The following ZFAT variants were observed in gnomAD, a reference collection of about 807,000 sequenced individuals.
ZFAT encodes the protein zinc finger protein ZFAT.
ZFAT carries 64 observed loss-of-function variants against 117.7 expected under a neutral mutation model. The observed-to-expected ratio is 0.54, with a 90% confidence interval of 0.44 to 0.67. ZFAT has a LOEUF of 0.67. ZFAT is among the 30% of genes least tolerant of loss of function. The pLI is 0.00. For missense variants in ZFAT, 1,433 were observed against 1,584.5 expected (o/e 0.90, Z 1.62); for synonymous variants, 679 against 615.0 (o/e 1.10, Z -1.54).
chr8:134,806,173 T>C, the ZFAT span, among the ~76,000 whole-genome samples: 1 of 152,078 alleles, frequency 6.6e-6, no homozygotes, highest in African/African-American at 2.4e-5. Context: ...AAAACCAATA[T>C]ACAAATTCTG....
the ZFAT span, among the ~76,000 whole-genome samples, chr8:134,786,447 T>A: frequency 6.6e-6 from 1 of 152,340 alleles, no homozygotes; most frequent in East Asian, 1.9e-4. Context: ...GTTTTATTTT[T>A]AAAATCCTAA....
At chr8:134,604,182 C>A (rs1000728690) in intron 5 of ZFAT, among the ~76,000 whole-genome samples, 1 of 152,156 alleles carries the variant, frequency 6.6e-6, no homozygotes, top group African/African-American at 2.4e-5. Flanking sequence ...AAGCTCTATG[C>A]TAAGTATTTA....
the ZFAT span, among the ~76,000 whole-genome samples, chr8:134,817,436 C>CACA: frequency 0.043 from 5,456 of 126,786 alleles, 126 homozygotes; most frequent in Non-Finnish European, 0.049. Context: ...CACACACACA[C>CACA]AACGCACCCT....
intron 2 of ZFAT, among the ~76,000 whole-genome samples, chr8:134,655,473 C>A (rs557744232): frequency 6.6e-6 from 1 of 152,052 alleles, no homozygotes; most frequent in Non-Finnish European, 1.5e-5. Flanking sequence ...CATAGTGAAA[C>A]CCTGTCTATA....
intron 13 of ZFAT, among the ~76,000 whole-genome samples, chr8:134,519,399 G>A (rs1223925151): frequency 6.6e-6 from 1 of 151,948 alleles, no homozygotes. Context: ...ATCAAATGGG[G>A]GTTTTGTTTC....
chr8:134,556,431 G>C (rs1425673504), intron 11 of ZFAT, among the ~76,000 whole-genome samples: 1 of 151,948 alleles, frequency 6.6e-6, no homozygotes, highest in Non-Finnish European at 1.5e-5. Flanking sequence ...TAATGGTTGA[G>C]AACAGTCCAA....
intron 7 of ZFAT, among the ~76,000 whole-genome samples, chr8:134,594,583 A>G (rs1297176428): frequency 6.6e-6 from 1 of 152,222 alleles, no homozygotes; most frequent in Admixed American, 6.5e-5. Context: ...GCCAATCACT[A>G]TTACTATTCC....
intron 2 of ZFAT, among the ~76,000 whole-genome samples, chr8:134,644,461 C>T (rs531110870): frequency 2.0e-5 from 3 of 152,062 alleles, no homozygotes; most frequent in Non-Finnish European, 4.4e-5. Flanking sequence ...CTCATACACA[C>T]CCATATACAA....
At chr8:134,698,152 G>A (rs891876666) in intron 1 of ZFAT, among the ~76,000 whole-genome samples, 3 of 151,626 alleles carry the variant, frequency 2.0e-5, no homozygotes, top group Admixed American at 6.6e-5. Context: ...GCAAAACCCC[G>A]TCTCTATTAA....
intron 11 of ZFAT, among the ~76,000 whole-genome samples, chr8:134,551,826 A>T (rs547384556): frequency 6.6e-6 from 1 of 152,302 alleles, no homozygotes; most frequent in South Asian, 2.1e-4. Flanking sequence ...TATTTTGTAC[A>T]TACAACCATT....
intron 3 of ZFAT, among the ~76,000 whole-genome samples, chr8:134,628,224 A>T (rs1829655564): frequency 6.6e-6 from 1 of 152,186 alleles, no homozygotes. Flanking sequence ...ATTGAAGGTC[A>T]AGCATATTCA....
the ZFAT span, among the ~76,000 whole-genome samples, chr8:134,787,592 T>C: frequency 6.6e-6 from 1 of 152,356 alleles, no homozygotes; most frequent in Non-Finnish European, 1.5e-5. Flanking sequence ...ACTACACTTT[T>C]ATAATCACAG....
At chr8:134,743,788 C>A in the ZFAT span, among the ~76,000 whole-genome samples, 15 of 152,258 alleles carry the variant, frequency 9.9e-5, 1 homozygote, top group East Asian at 1.7e-3. Flanking sequence ...CCAGTCACAG[C>A]GAGAAGAGAA....
intron 9 of ZFAT, among the ~76,000 whole-genome samples, chr8:134,585,417 C>G (rs1405989365): frequency 3.3e-5 from 5 of 152,182 alleles, no homozygotes; most frequent in Admixed American, 3.3e-4. Flanking sequence ...TGAATATACT[C>G]AGGCACTATT....
chr8:134,503,237 A>G (rs1819127188), intron 15 of ZFAT, among the ~76,000 whole-genome samples: 1 of 152,210 alleles, frequency 6.6e-6, no homozygotes, highest in Non-Finnish European at 1.5e-5. Context: ...CACAGTCCTC[A>G]GCTGTCACTC....
chr8:134,553,483 A>G (rs1823340692), intron 11 of ZFAT, among the ~76,000 whole-genome samples: 1 of 152,232 alleles, frequency 6.6e-6, no homozygotes, highest in Admixed American at 6.5e-5. Context: ...AGCCTGGGCA[A>G]CAGAGTGAGA....
chr8:134,594,917 A>G (rs1563647182), intron 7 of ZFAT: 1 of 152,264 alleles, frequency 6.6e-6, no homozygotes, highest in African/African-American at 2.4e-5. Flanking sequence ...CTGGCATATC[A>G]TAAACATCTG....
intron 11 of ZFAT, among the ~76,000 whole-genome samples, chr8:134,559,672 T>C (rs889427694): frequency 6.6e-6 from 1 of 152,220 alleles, no homozygotes; most frequent in Admixed American, 6.5e-5. Context: ...CTGTTCCTCA[T>C]GGCCTCATCA....
At chr8:134,762,399 G>A in the ZFAT span, among the ~76,000 whole-genome samples, 9 of 152,170 alleles carry the variant, frequency 5.9e-5, no homozygotes, top group Non-Finnish European at 4.4e-5. Flanking sequence ...AACTACTCTT[G>A]TCAAGGTTGC....
Sources: allele counts gnomAD v4.1 joint callset (sites outside exome capture counted in the v4.1 genomes callset), GRCh38; gene constraint gnomAD v4.1.1; transcripts MANE v1.5; gene names NCBI Gene and HGNC (gene_info 2026-07-23, HGNC 2026-07-21).